Variants in CXADR observed in about 807,000 individuals in gnomAD.
CXADR encodes CXADR cell adhesion molecule, also known as coxsackievirus and adenovirus receptor.
A neutral mutation model predicts 40.3 loss-of-function variants in CXADR; 20 were observed. The ratio of observed to expected loss-of-function variants is 0.50; its 90% CI spans 0.35 to 0.72. CXADR has a LOEUF of 0.72. Ranked by LOEUF, CXADR falls within the 30% of genes least tolerant of loss-of-function variation. CXADR has a pLI of 0.01. For missense variants in CXADR, 332 were observed against 449.1 expected, an observed-to-expected ratio of 0.74 and a Z score of 2.36; for synonymous variants, 150 against 161.3, an observed-to-expected ratio of 0.93 and a Z score of 0.53.
downstream of CXADR, chr21:17,593,881 A>C (rs900151319): frequency 3.3e-6 from 2 of 604,924 alleles, no homozygotes; most frequent in Non-Finnish European, 5.4e-6. Context: ...TAGGCACTTG[A>C]CTAACTTTAA....
chr21:17,596,938 A>G (rs191098051), downstream of CXADR, among the ~76,000 whole-genome samples: 119 of 152,204 alleles, frequency 7.8e-4, 2 homozygotes, highest in South Asian at 3.5e-3. Flanking sequence ...CAAGCTAGAA[A>G]TTTTGTTGTC....
chr21:17,552,857 T>TA (rs1053535897), intron 3 of CXADR, among the ~76,000 whole-genome samples: 1 of 152,178 alleles, frequency 6.6e-6, no homozygotes, highest in African/African-American at 2.4e-5. Context: ...TCCTTCTGTT[T>TA]AGAGAACTGA....
chr21:17,558,299 T>C (rs2061062243), intron 3 of CXADR, among the ~76,000 whole-genome samples: 1 of 151,946 alleles, frequency 6.6e-6, no homozygotes, highest in South Asian at 2.1e-4. Flanking sequence ...CAGCTAATTT[T>C]TCGAAGTTTT....
chr21:17,577,193 C>T (rs2061328138), intron 7 of CXADR, among the ~76,000 whole-genome samples: 1 of 152,020 alleles, frequency 6.6e-6, no homozygotes, highest in African/African-American at 2.4e-5. Context: ...AACACTGTGA[C>T]CAATAGTAAA....
At chr21:17,555,359 G>A (rs989034307) in intron 3 of CXADR, among the ~76,000 whole-genome samples, 7 of 152,182 alleles carry the variant, frequency 4.6e-5, no homozygotes, top group Admixed American at 1.3e-4. Flanking sequence ...ACTGGGCACG[G>A]CCCCTCACTA....
At chr21:17,528,495 T>A (rs1038117075) in intron 1 of CXADR, among the ~76,000 whole-genome samples, 4 of 151,612 alleles carry the variant, frequency 2.6e-5, no homozygotes, top group African/African-American at 9.7e-5. Flanking sequence ...AACCTCCACC[T>A]CCCGGGTTCA....
chr21:17,520,475 A>G lies in CXADR; in HGVS notation c.43+7303A>G, dbSNP rs750883211. ...ACTGCTGACCACGTTTTGTGTGGGC[A>G]AAGATCTAAAGGCCATACTGAGAGC... On this transcript the variant is annotated intron_variant, in intron 1 of 6. Coordinates refer to ENST00000284878, the MANE Select transcript of CXADR (RefSeq NM_001338.5). 9.2e-5 allele frequency among the ~76,000 whole-genome samples: 14 copies of G among 152,344 alleles called. 1 individual carries two copies. Among genetic ancestry groups the G allele is most frequent in the African/African-American group, 3.1e-4 (13 of 41,590 alleles).
intron 3 of CXADR, among the ~76,000 whole-genome samples, chr21:17,553,123 A>T (rs1332468509): frequency 6.6e-6 from 1 of 152,114 alleles, no homozygotes; most frequent in Non-Finnish European, 1.5e-5. Context: ...GTGTTTCACC[A>T]TGTTGGCCAG....
At chr21:17,618,540 T>C in the CXADR span, among the ~76,000 whole-genome samples, 10 of 147,938 alleles carry the variant, frequency 6.8e-5, no homozygotes, top group African/African-American at 2.6e-4. Context: ...TTTTCTTTTC[T>C]TTTTTTTTGG....
At chr21:17,582,061 A>G (rs796371702) in intron 7 of CXADR, among the ~76,000 whole-genome samples, 14 of 151,826 alleles carry the variant, frequency 9.2e-5, no homozygotes, top group African/African-American at 3.1e-4. Flanking sequence ...TCCTTGTCTC[A>G]GCCTCCTGAG....
chr21:17,538,529 G>C (rs1432410828), intron 1 of CXADR, among the ~76,000 whole-genome samples: 1 of 152,156 alleles, frequency 6.6e-6, no homozygotes, highest in Non-Finnish European at 1.5e-5. Flanking sequence ...TTATAGGCTG[G>C]ATGCAGTGAC....
rs73324059 is a variant in CXADR, at chr21:17,515,509, A to G, written c.43+2337A>G. 3.4e-3 allele frequency among the ~76,000 whole-genome samples: 513 copies of G among 151,914 alleles called. 4 individuals carry two copies. The highest frequency in any genetic ancestry group is 0.012 in the African/African-American group (489 of 41,470). ...TTTATTTCTTCAGATATTTCTGACCATTTAGAAATGCATTGGTATGGGCCG... is the reference window on the plus strand; with the variant it reads ...TTTATTTCTTCAGATATTTCTGACCGTTTAGAAATGCATTGGTATGGGCCG... On this transcript the variant is annotated intron_variant, in intron 1 of 6. Transcript: ENST00000284878.
downstream of CXADR, among the ~76,000 whole-genome samples, chr21:17,570,589 A>C (rs548727438): frequency 1.3e-5 from 2 of 152,142 alleles, no homozygotes; most frequent in Admixed American, 1.3e-4. Flanking sequence ...CATTAATGCT[A>C]TTCATGAGAG....
At chr21:17,527,417 T>C (rs1008770462) in intron 1 of CXADR, among the ~76,000 whole-genome samples, 1 of 152,224 alleles carries the variant, frequency 6.6e-6, no homozygotes, top group Non-Finnish European at 1.5e-5. Flanking sequence ...TGTAAATTTG[T>C]ATTAAATATT....
intron 1 of CXADR, among the ~76,000 whole-genome samples, chr21:17,515,113 G>C (rs1206926802): frequency 7.1e-6 from 1 of 141,026 alleles, no homozygotes; most frequent in East Asian, 2.1e-4. Context: ...AGCTAAACAA[G>C]GCAACTATCT....
intron 1 of CXADR, among the ~76,000 whole-genome samples, chr21:17,513,888 A>G (rs1052643427): frequency 6.6e-6 from 1 of 152,162 alleles, no homozygotes; most frequent in African/African-American, 2.4e-5. Context: ...CTCGTTTTTG[A>G]GTTTGTAATG....
the CXADR span, among the ~76,000 whole-genome samples, chr21:17,599,765 C>T: frequency 2.2e-4 from 34 of 152,286 alleles, no homozygotes; most frequent in Admixed American, 1.4e-3. Context: ...TAGGCGTGAG[C>T]CATCACGCCC....
At chr21:17,537,354 G>T (rs1231317580) in intron 1 of CXADR, among the ~76,000 whole-genome samples, 3 of 152,120 alleles carry the variant, frequency 2.0e-5, no homozygotes, top group Non-Finnish European at 4.4e-5. Context: ...AGGCACTTGT[G>T]CCTGTGAACA....
chr21:17,622,691 A>G, the CXADR span, among the ~76,000 whole-genome samples: 1 of 152,314 alleles, frequency 6.6e-6, no homozygotes, highest in Admixed American at 6.5e-5. Flanking sequence ...GGAGAGTAGA[A>G]CGAAGTTGTT....
Sources: gnomAD v4.1 joint callset for allele counts (sites outside exome capture counted in the v4.1 genomes callset) on GRCh38, gnomAD v4.1.1 for gene constraint, MANE v1.5 for transcripts, NCBI Gene and HGNC (gene_info 2026-07-23, HGNC 2026-07-21) for gene names.